KLHL13: variants seen among roughly 807,000 people sequenced by gnomAD.
The protein encoded by KLHL13 is kelch-like protein 13.
Under a neutral mutation model 37.1 loss-of-function variants are expected in KLHL13, and 10 were observed. The observed-to-expected ratio is 0.27, with a 90% CI of 0.17 to 0.46. The LOEUF (loss-of-function observed/expected upper bound fraction) is 0.46, where lower values mean the gene tolerates loss of function less well. KLHL13 is among the 20% of genes least tolerant of loss of function. KLHL13 has a pLI of 1.00. For synonymous variants in KLHL13, 163 were observed against 181.2 expected, an observed-to-expected ratio of 0.90 and a Z score of 0.81; for missense variants, 360 against 509.3, an observed-to-expected ratio of 0.71 and a Z score of 2.82.
At chrX:118,071,367 C>A (rs2054862558) in intron 1 of KLHL13, among the ~76,000 whole-genome samples, 1 of 111,101 alleles carries the variant, frequency 9.0e-6, no homozygotes, top group African/African-American at 3.3e-5. Context: ...GTTTACAGTC[C>A]CACCAACAGT....
chrX:117,998,310 G>A (rs1378569401), intron 1 of KLHL13, among the ~76,000 whole-genome samples: 1 of 112,079 alleles, frequency 8.9e-6, no homozygotes, highest in Non-Finnish European at 1.9e-5. Flanking sequence ...TGGTGGCTCA[G>A]AGAGATCTTT....
chrX:117,898,766 C>T (rs1569407076), exon 7 of KLHL13: 3 of 677,576 alleles, frequency 4.4e-6, no homozygotes, highest in African/African-American at 4.4e-5. Context: ...GCACAAATAA[C>T]ATCAATGTTG....
intron 1 of KLHL13, among the ~76,000 whole-genome samples, chrX:118,042,068 T>C (rs2054511862): frequency 8.9e-6 from 1 of 112,014 alleles, no homozygotes; most frequent in Non-Finnish European, 1.9e-5. Context: ...GCTATATTTA[T>C]ATCACAAAAC....
intron 1 of KLHL13, among the ~76,000 whole-genome samples, chrX:118,114,720 G>T (rs967496183): frequency 9.0e-6 from 1 of 111,725 alleles, no homozygotes; most frequent in East Asian, 2.8e-4. Context: ...CAAATCATCT[G>T]CAAGTTATCT....
At chrX:118,014,653 A>C in intron 1 of KLHL13, among the ~76,000 whole-genome samples, 1 of 112,441 alleles carries the variant, frequency 8.9e-6, no homozygotes, top group Admixed American at 9.4e-5. Context: ...ATATCACAGA[A>C]CCTGACGATA....
chrX:118,116,810 T>G (rs1217453344), upstream of KLHL13: 6 of 68,946 alleles, frequency 8.7e-5, no homozygotes, highest in Non-Finnish European at 1.6e-4. Context: ...CACCAGGGTG[T>G]GGGGGGGCTG....
intron 1 of KLHL13, among the ~76,000 whole-genome samples, chrX:118,105,791 A>G (rs1396172018): frequency 9.1e-6 from 1 of 109,873 alleles, no homozygotes; most frequent in African/African-American, 3.3e-5. Flanking sequence ...TCCAAAACTC[A>G]TTTTGATAAA....
chrX:118,090,775 T>C (rs370229144), intron 1 of KLHL13, among the ~76,000 whole-genome samples: 4 of 109,753 alleles, frequency 3.6e-5, no homozygotes, highest in Non-Finnish European at 5.7e-5. Context: ...ATCCCATTAC[T>C]GGGTATATAC....
chrX:118,003,730 T>C (rs1427335862), intron 1 of KLHL13, among the ~76,000 whole-genome samples: 1 of 110,474 alleles, frequency 9.1e-6, no homozygotes, highest in Non-Finnish European at 1.9e-5. Flanking sequence ...AAAGTAAATA[T>C]CCAGTACAAG....
chrX:118,000,908 A>G (rs1218620856), intron 1 of KLHL13, among the ~76,000 whole-genome samples: 2 of 112,080 alleles, frequency 1.8e-5, no homozygotes, highest in African/African-American at 6.5e-5. Flanking sequence ...TAAAATCCAA[A>G]AAGAATGTAA....
At chrX:117,992,344 C>A (rs1413230983) in intron 1 of KLHL13, among the ~76,000 whole-genome samples, 1 of 110,897 alleles carries the variant, frequency 9.0e-6, no homozygotes, top group Non-Finnish European at 1.9e-5. Flanking sequence ...TGACTCTCTG[C>A]TCCCAGGCTC....
intron 2 of KLHL13, among the ~76,000 whole-genome samples, chrX:117,926,696 T>C (rs1932039241): frequency 9.2e-6 from 1 of 108,915 alleles, no homozygotes; most frequent in Non-Finnish European, 1.9e-5. Context: ...CACATATTAA[T>C]GAGAGCAGAT....
intron 5 of KLHL13, among the ~76,000 whole-genome samples, chrX:117,907,222 T>A (rs770249268): frequency 8.1e-5 from 9 of 111,189 alleles, no homozygotes; most frequent in Admixed American, 9.6e-5. Context: ...GGGTATACCA[T>A]AGGAGCAGCT....
intron 1 of KLHL13, among the ~76,000 whole-genome samples, chrX:117,948,918 C>G (rs1331480973): frequency 8.9e-6 from 1 of 112,084 alleles, no homozygotes; most frequent in Non-Finnish European, 1.9e-5. Context: ...ACCAAACATA[C>G]ACAGACTGTG....
At chrX:117,942,997 A>G (rs1602577866) in intron 2 of KLHL13, among the ~76,000 whole-genome samples, 1 of 111,244 alleles carries the variant, frequency 9.0e-6, no homozygotes, top group East Asian at 2.8e-4. Context: ...TGCTTCCTTC[A>G]GGAGCTCTTA....
chrX:117,983,660 A>G, intron 1 of KLHL13: 1 of 462,570 alleles, frequency 2.2e-6, no homozygotes, highest in Non-Finnish European at 3.6e-6. Context: ...AACCATATTT[A>G]TAAATCCTGA....
upstream of KLHL13, among the ~76,000 whole-genome samples, chrX:117,977,981 C>T (rs1383570612): frequency 8.9e-6 from 1 of 111,767 alleles, no homozygotes; most frequent in African/African-American, 3.3e-5. Context: ...TTTCAGGAAA[C>T]TATCAGATAC....
intron 1 of KLHL13, among the ~76,000 whole-genome samples, chrX:118,071,994 G>C (rs1284032628): frequency 9.1e-6 from 1 of 110,345 alleles, no homozygotes; most frequent in Non-Finnish European, 1.9e-5. Flanking sequence ...AAGTTCATAT[G>C]GAATCAAAAA....
rs185113225 is a variant in KLHL13 at position 117,962,161 on chromosome X, G to A, written c.98+10570C>T. Reference sequence around the variant, plus strand: ...GGTGGTCGAGGCTGCAGGGAGCCATGATCATGCCACTGTACTCCAGCCTGG... The same window carrying A: ...GGTGGTCGAGGCTGCAGGGAGCCATAATCATGCCACTGTACTCCAGCCTGG... On this transcript the variant is annotated intron_variant, in intron 1 of 6. Transcript: ENST00000262820. Among the ~76,000 whole-genome samples the A allele has an allele frequency of 8.8e-3, 935 of 106,185 alleles. 17 individuals carry two copies. Among genetic ancestry groups the A allele is most frequent in the African/African-American group, 0.03 (861 of 28,629 alleles). The allele number at this position is 106,185 out of a possible 115,157, so 92.2% of individuals were successfully genotyped here.
Sources: gnomAD v4.1 joint callset for allele counts (sites outside exome capture counted in the v4.1 genomes callset) on GRCh38, gnomAD v4.1.1 for gene constraint, MANE v1.5 for transcripts, NCBI Gene and HGNC (gene_info 2026-07-23, HGNC 2026-07-21) for gene names.